The following STXBP5L variants were observed in gnomAD, a reference collection of about 807,000 sequenced individuals.
STXBP5L encodes syntaxin-binding protein 5-like.
STXBP5L carries 65 observed loss-of-function variants against 144.5 expected under a neutral mutation model. The observed-to-expected ratio is 0.45, with a 90% confidence interval of 0.37 to 0.55. The LOEUF is 0.55. Among genes scored for constraint, STXBP5L ranks in the 20% least tolerant of loss-of-function variants. The pLI is 0.00. For missense variants in STXBP5L, 1,298 were observed against 1,405.5 expected, an observed-to-expected ratio of 0.92 and a Z score of 1.22; for synonymous variants, 505 against 469.6, an observed-to-expected ratio of 1.08 and a Z score of -0.97.
At chr3:121,028,189 A>G (rs1946090515) in intron 3 of STXBP5L, among the ~76,000 whole-genome samples, 1 of 152,104 alleles carries the variant, frequency 6.6e-6, no homozygotes, top group African/African-American at 2.4e-5. Context: ...TTTCAAAATC[A>G]CTGACTACAT....
chr3:121,418,953 T>C, intron 26 of STXBP5L, 103 bp from the exon 27 acceptor site: 1 of 1,215,696 alleles, frequency 8.2e-7, no homozygotes. Context: ...AGTTTGATTA[T>C]AAGTTTTGAG....
chr3:121,152,639 C>G, intron 8 of STXBP5L, 79 bp downstream of exon 8: 1 of 1,083,050 alleles, frequency 9.2e-7, no homozygotes, highest in Non-Finnish European at 1.3e-6. Context: ...TTGCACTTTA[C>G]CAGTATGTTT....
chr3:120,980,069 C>T (rs1398139316), intron 3 of STXBP5L, among the ~76,000 whole-genome samples: 2 of 151,884 alleles, frequency 1.3e-5, no homozygotes, highest in East Asian at 3.9e-4. Flanking sequence ...GTTTTAATTC[C>T]ACTGTAGTCT....
chr3:121,309,995 A>T (rs966093130), intron 19 of STXBP5L, among the ~76,000 whole-genome samples: 1 of 152,214 alleles, frequency 6.6e-6, no homozygotes, highest in Non-Finnish European at 1.5e-5. Flanking sequence ...GGATCATTAC[A>T]GAATAAAAAG....
chr3:121,106,457 A>G (rs1256877360), intron 5 of STXBP5L, among the ~76,000 whole-genome samples: 1 of 151,908 alleles, frequency 6.6e-6, no homozygotes, highest in Admixed American at 6.6e-5. Context: ...ATGTATTCTC[A>G]TTGTTCAGCT....
At chr3:121,298,501 T>G (rs1421862807) in intron 19 of STXBP5L, among the ~76,000 whole-genome samples, 1 of 152,136 alleles carries the variant, frequency 6.6e-6, no homozygotes, top group African/African-American at 2.4e-5. Context: ...TAAAAGCTTC[T>G]ACACAACCTA....
chr3:121,370,155 C>A (rs542866744), intron 20 of STXBP5L, among the ~76,000 whole-genome samples: 1 of 152,192 alleles, frequency 6.6e-6, no homozygotes, highest in South Asian at 2.1e-4. Flanking sequence ...CACTTGAGGT[C>A]AGGAGTTCAA....
At chr3:120,997,414 A>G (rs1035907637) in intron 3 of STXBP5L, among the ~76,000 whole-genome samples, 2 of 152,196 alleles carry the variant, frequency 1.3e-5, no homozygotes, top group Admixed American at 1.3e-4. Context: ...ATCAGCAGTG[A>G]ATAAGCATTC....
chr3:121,189,339 G>GT (rs2047536615), intron 9 of STXBP5L, among the ~76,000 whole-genome samples: 2 of 152,168 alleles, frequency 1.3e-5, no homozygotes, highest in African/African-American at 4.8e-5. Flanking sequence ...TTCTTCTAGG[G>GT]TTTTTACTGT....
At chr3:121,105,779 G>T (rs184673844) in intron 5 of STXBP5L, among the ~76,000 whole-genome samples, 3 of 152,056 alleles carry the variant, frequency 2.0e-5, no homozygotes, top group East Asian at 3.9e-4. Flanking sequence ...ATATTTTGAG[G>T]TTATTTTATT....
intron 3 of STXBP5L, among the ~76,000 whole-genome samples, chr3:120,999,667 C>T (rs142921172): frequency 2.0e-5 from 3 of 152,028 alleles, no homozygotes; most frequent in East Asian, 1.9e-4. Context: ...TGCTTTATAG[C>T]GTCAATGGTC....
intron 6 of STXBP5L, among the ~76,000 whole-genome samples, chr3:121,119,830 G>T (rs1191949900): frequency 6.6e-6 from 1 of 151,308 alleles, no homozygotes; most frequent in Non-Finnish European, 1.5e-5. Flanking sequence ...GTTTGTTTAA[G>T]ATAGTAAATA....
At chr3:121,189,144 G>A (rs2047526962) in intron 9 of STXBP5L, among the ~76,000 whole-genome samples, 1 of 152,148 alleles carries the variant, frequency 6.6e-6, no homozygotes, top group Non-Finnish European at 1.5e-5. Flanking sequence ...TGAGTAGGTT[G>A]CAAAAATTTT....
intron 5 of STXBP5L, among the ~76,000 whole-genome samples, chr3:121,057,580 A>G (rs1020369889): frequency 2.6e-5 from 4 of 152,026 alleles, no homozygotes; most frequent in African/African-American, 7.2e-5. Context: ...TAATATATAT[A>G]TAGTTCTTTG....
chr3:121,022,811 GA>G (rs2107464732), intron 3 of STXBP5L, among the ~76,000 whole-genome samples: 1 of 152,208 alleles, frequency 6.6e-6, no homozygotes, highest in East Asian at 1.9e-4. Flanking sequence ...ACTGAATGGG[GA>G]AAAGTTGAAA....
intron 10 of STXBP5L, among the ~76,000 whole-genome samples, chr3:121,208,654 C>A (rs1170696676): frequency 3.3e-5 from 5 of 152,028 alleles, no homozygotes; most frequent in Non-Finnish European, 7.4e-5. Flanking sequence ...TCAGGTTCAA[C>A]ATTATTTACA....
chr3:121,358,690 C>T (rs1173631996), intron 20 of STXBP5L, among the ~76,000 whole-genome samples: 1 of 152,122 alleles, frequency 6.6e-6, no homozygotes, highest in East Asian at 1.9e-4. Flanking sequence ...CTCTCTCTGT[C>T]CATGAGTTTA....
intron 3 of STXBP5L, among the ~76,000 whole-genome samples, chr3:121,031,980 A>G (rs760422177): frequency 1.3e-5 from 2 of 152,138 alleles, no homozygotes; most frequent in African/African-American, 4.8e-5. Context: ...AAAGATAACC[A>G]GTTTGTTACG....
intron 19 of STXBP5L, among the ~76,000 whole-genome samples, chr3:121,287,846 C>T (rs2051286600): frequency 6.6e-6 from 1 of 152,004 alleles, no homozygotes; most frequent in Admixed American, 6.6e-5. Flanking sequence ...AAGAAAGACC[C>T]ACACATGGAA....
Sources: gnomAD v4.1 joint callset for allele counts (sites outside exome capture counted in the v4.1 genomes callset) on GRCh38, gnomAD v4.1.1 for gene constraint, MANE v1.5 for transcripts, NCBI Gene and HGNC (gene_info 2026-07-23, HGNC 2026-07-21) for gene names.